Variants in SHOC2 observed in about 807,000 individuals in gnomAD.
SHOC2 encodes the protein leucine-rich repeat protein SHOC-2.
Under a neutral mutation model 50.2 loss-of-function variants are expected in SHOC2, and 4 were observed. The ratio of observed to expected loss-of-function variants is 0.08; its 90% CI spans 0.04 to 0.18. The LOEUF is 0.18. Ranked by LOEUF, SHOC2 falls within the 10% of genes least tolerant of loss-of-function variation. The pLI is 1.00. For missense variants in SHOC2, 388 were observed against 669.6 expected (o/e 0.58, Z 4.64); for synonymous variants, 218 against 244.5 (o/e 0.89, Z 1.01).
At chr10:110,920,978 C>T (rs181157471) in intron 1 of SHOC2, among the ~76,000 whole-genome samples, 1 of 152,280 alleles carries the variant, frequency 6.6e-6, no homozygotes, top group Admixed American at 6.5e-5. Flanking sequence ...TCCTAAGGTA[C>T]ATTTGTGTAA....
chr10:111,007,773 C>A, intron 6 of SHOC2, 120 bp downstream of exon 6: 2 of 992,500 alleles, frequency 2.0e-6, no homozygotes, highest in Non-Finnish European at 3.1e-6. Flanking sequence ...AATGTTAGAA[C>A]TCACTTAAAC....
rs1228162304 is a variant in SHOC2 at position 110,985,781 on chromosome 10, G to T, written c.841+16G>T. On this transcript the variant is annotated intron_variant, in intron 3 of 8. Transcript: ENST00000369452. ...GATACTATAGGTATGAGAGGAGAAA[G>T]GAGATATTGATAGCTGTTAATAGCT... The T allele has an allele frequency of 6.2e-7, 1 of 1,608,588 alleles. No individual in the cohort carries two copies. The highest frequency in any genetic ancestry group is 1.7e-5 in the Admixed American group (1 of 59,958).
chr10:110,950,204 A>G (rs897077393), intron 1 of SHOC2, among the ~76,000 whole-genome samples: 3 of 152,190 alleles, frequency 2.0e-5, no homozygotes, highest in Admixed American at 6.5e-5. Context: ...AAAGTTGCAA[A>G]ATATAAAATT....
intron 2 of SHOC2, among the ~76,000 whole-genome samples, chr10:110,970,263 A>C (rs1847754537): frequency 6.6e-6 from 1 of 151,996 alleles, no homozygotes; most frequent in Non-Finnish European, 1.5e-5. Context: ...CTTCTTTGAG[A>C]TCAACTTTTT....
rs1343702427 is a variant in SHOC2, at chr10:110,964,643, C to A, written c.285C>A (p.Asn95Lys). The change falls in exon 2 of 9, where the codon AAC becomes AAA. Residue 95 changes from asparagine (N) to lysine (K), a missense_variant. Coordinates refer to ENST00000369452, the MANE Select transcript of SHOC2 (RefSeq NM_007373.4). This position sits in a 1 kb window ranked among gnomAD's most constrained non-coding sequence, Gnocchi z 4.9. Reference protein sequence around the residue: ...SSNAEVIKELNKCREENSMRL... With the variant: ...SSNAEVIKELKKCREENSMRL... The stretch of plus-strand genomic sequence containing the variant: ...ATGCAGAGGTGATTAAAGAGCTCAA[C>A]AAATGCCGGGAAGAGAATTCAATGC... The A allele has an allele frequency of 1.2e-6, 2 of 1,614,104 alleles. No individual in the cohort carries two copies. The highest frequency in any genetic ancestry group is 1.7e-6 in the Non-Finnish European group (2 of 1,179,984).
chr10:110,977,949 T>A (rs1410343000), intron 2 of SHOC2, among the ~76,000 whole-genome samples: 3 of 152,248 alleles, frequency 2.0e-5, no homozygotes, highest in Non-Finnish European at 4.4e-5. Context: ...AGGCAAACAC[T>A]GCATAAGACT....
intron 2 of SHOC2, among the ~76,000 whole-genome samples, chr10:110,976,500 AG>A (rs1174451979): frequency 6.6e-6 from 1 of 151,898 alleles, no homozygotes; most frequent in Non-Finnish European, 1.5e-5. Context: ...TTGTAGAGGC[AG>A]GGTCTTACCA....
intron 1 of SHOC2, among the ~76,000 whole-genome samples, chr10:110,961,953 C>T (rs1847580146): frequency 6.6e-6 from 1 of 151,888 alleles, no homozygotes; most frequent in South Asian, 2.1e-4. Context: ...TTTGTTGAGG[C>T]GTTTATTTTT....
chr10:110,933,409 A>T (rs1173362445), intron 1 of SHOC2, among the ~76,000 whole-genome samples: 1 of 152,126 alleles, frequency 6.6e-6, no homozygotes, highest in African/African-American at 2.4e-5. Flanking sequence ...TTAACAGTAA[A>T]TACTTATGTT....
intron 1 of SHOC2, among the ~76,000 whole-genome samples, chr10:110,962,575 A>G (rs1397849436): frequency 1.3e-5 from 2 of 152,182 alleles, no homozygotes; most frequent in African/African-American, 4.8e-5. Context: ...AGTAAAGTTC[A>G]TACTGTGCAG....
In SHOC2 at chr10:111,012,076, A is replaced by G. The variant is rs1005107793; in HGVS notation, c.*258A>G. The G allele has an allele frequency of 6.4e-6, 3 of 468,744 alleles. No homozygotes were observed. Among genetic ancestry groups the G allele is most frequent in the African/African-American group, 2.0e-5 (1 of 51,126 alleles). The allele number at this position is 468,744 out of a possible 1,614,324, so 29.0% of individuals were successfully genotyped here. Reference sequence around the variant, plus strand: ...TCTGATATGCCAGTTTGCTTAAAACATTTGCCAACACATTATGAAGTTATT... The same window carrying G: ...TCTGATATGCCAGTTTGCTTAAAACGTTTGCCAACACATTATGAAGTTATT... On this transcript the variant is annotated 3_prime_UTR_variant, in exon 9 of 9. Transcript: ENST00000369452.
intron 1 of SHOC2, among the ~76,000 whole-genome samples, chr10:110,928,149 T>G (rs1239873766): frequency 6.6e-6 from 1 of 152,044 alleles, no homozygotes; most frequent in South Asian, 2.1e-4. Context: ...AAACCCTGTC[T>G]TTACTAAAAA....
chr10:111,009,187 C>T lies in SHOC2; in HGVS notation c.1285-61C>T. 4.2e-6 allele frequency: 5 copies of T among 1,184,104 alleles called. No homozygotes were observed. The South Asian group carries it at 5.1e-5, about 12-fold the overall frequency. The allele number at this position is 1,184,104 out of a possible 1,614,324, so 73.3% of individuals were successfully genotyped here. A position where few individuals can be genotyped will look rare whatever the true frequency, so the allele number is the denominator to read the frequency against. On this transcript the variant is annotated intron_variant, in intron 6 of 8. Coordinates refer to ENST00000369452, the MANE Select transcript of SHOC2 (RefSeq NM_007373.4). Reference sequence around the variant, plus strand: ...ATTGCTTAATAGATTTTAAGCCACACAATGACAGTATATAATTTCATTTCA... The same window carrying T: ...ATTGCTTAATAGATTTTAAGCCACATAATGACAGTATATAATTTCATTTCA...
At chr10:110,952,817 G>GT (rs1456738472) in intron 1 of SHOC2, among the ~76,000 whole-genome samples, 1 of 152,110 alleles carries the variant, frequency 6.6e-6, no homozygotes, top group Non-Finnish European at 1.5e-5. Context: ...GCAATGTTTG[G>GT]TTTTTTGTGC....
At chr10:110,985,533 G>A in intron 2 of SHOC2, 95 bp from the exon 3 acceptor site, 2 of 943,720 alleles carry the variant, frequency 2.1e-6, no homozygotes, top group Admixed American at 2.1e-5. Context: ...CGTTGTTTGT[G>A]TTCAGAAATT....
chr10:110,937,014 G>A, intron 1 of SHOC2: 1 of 1,481,762 alleles, frequency 6.7e-7, no homozygotes, highest in Non-Finnish European at 9.4e-7. Flanking sequence ...CTGGGGGCCC[G>A]GAAGTGGTAG....
chr10:110,929,865 G>C (rs193213181), intron 1 of SHOC2, among the ~76,000 whole-genome samples: 3 of 152,336 alleles, frequency 2.0e-5, no homozygotes, highest in Admixed American at 2.0e-4. Context: ...CAAGATAGTA[G>C]TTAATACATA....
At chr10:110,986,858 C>G (rs1053626827) in intron 3 of SHOC2, among the ~76,000 whole-genome samples, 3 of 152,202 alleles carry the variant, frequency 2.0e-5, no homozygotes, top group African/African-American at 7.2e-5. Flanking sequence ...GAGTTTTTGT[C>G]TGCCTCTGTT....
At chr10:110,970,421 C>T (rs1175912392) in intron 2 of SHOC2, among the ~76,000 whole-genome samples, 1 of 152,112 alleles carries the variant, frequency 6.6e-6, no homozygotes, top group African/African-American at 2.4e-5. Flanking sequence ...ATATATACCA[C>T]ATTTTCTTTC....
Sources: allele counts gnomAD v4.1 joint callset (sites outside exome capture counted in the v4.1 genomes callset), GRCh38; gene constraint gnomAD v4.1.1; non-coding constraint Gnocchi (gnomAD v3.1); transcripts MANE v1.5; gene names NCBI Gene and HGNC (gene_info 2026-07-23, HGNC 2026-07-21).